The following SLC38A4 variants were observed in gnomAD, a reference collection of about 807,000 sequenced individuals.
The protein encoded by SLC38A4 is solute carrier family 38 member 4.
In SLC38A4, 20 loss-of-function variants were observed where a neutral mutation model predicts 63.1. That is an observed-to-expected ratio of 0.32 (90% CI 0.22 to 0.46). SLC38A4 has a LOEUF of 0.46. SLC38A4 is among the 20% of genes least tolerant of loss of function. The pLI is 1.00. For synonymous variants in SLC38A4, 230 were observed against 225.5 expected (o/e 1.02, Z -0.18); for missense variants, 526 against 663.6 (o/e 0.79, Z 2.28).
intron 1 of SLC38A4, among the ~76,000 whole-genome samples, chr12:46,820,654 CTCTGAGATTTTGAT>C (rs1359625336): frequency 6.6e-6 from 1 of 151,964 alleles, no homozygotes; most frequent in Admixed American, 6.6e-5. Flanking sequence ...GCAGGTATCG[CTCTGAGATTTTGAT>C]TTCAATTCTT....
chr12:46,788,715 G>A (rs1002400693), intron 3 of SLC38A4, 97 bp from the exon 4 acceptor site: 14 of 1,135,236 alleles, frequency 1.2e-5, no homozygotes, highest in Non-Finnish European at 1.7e-5. Flanking sequence ...CTGAATCAGA[G>A]GAGGGGAAAT....
At chr12:46,792,880 A>G (rs1938919209) in intron 3 of SLC38A4, 73 bp downstream of exon 3, 1 of 1,093,882 alleles carries the variant, frequency 9.1e-7, no homozygotes, top group Non-Finnish European at 1.4e-6. Context: ...AGTTCTTCCC[A>G]TCAAGACCCT....
At chr12:46,793,314 A>C (rs180437) in intron 2 of SLC38A4, 131 bp from the exon 3 acceptor site, 280,570 of 284,514 alleles carry the variant, frequency 0.99, 138,463 homozygotes, top group East Asian at 1. Flanking sequence ...TTTACATAAG[A>C]AAATCCTGAA....
At chr12:46,829,644 GA>G (rs1185013559), upstream of SLC38A4, among the ~76,000 whole-genome samples, 1 of 152,094 alleles carries the variant, frequency 6.6e-6, no homozygotes. Flanking sequence ...CACTTATATA[GA>G]AAAAAGTCCA....
Position 46,787,940 on chromosome 12 carries a change from G to A in SLC38A4, c.302C>T (p.Ala101Val), listed in dbSNP as rs1366211829. 4 of 1,613,244 alleles carry A rather than the reference G, an allele frequency of 2.5e-6. No individual in the cohort carries two copies. ...CATAAAAAGTATGATCCCTGTGTTG[G>A]CCATGGCATAGGACAAGCCCAGGAT... is the stretch of plus-strand genomic sequence containing the variant. ...SGILGLSYAM[A>V]NTGIILFIIM... is the part of the protein sequence containing the mutation. Residue 101 changes from alanine to valine, a missense_variant, in exon 5 of 17, where the codon GCC becomes GTC. Physicochemically the swap from Ala to Val is moderately conservative, Grantham distance 64. Coordinates refer to ENST00000266579, the MANE Select transcript of SLC38A4 (RefSeq NM_018018.5).
rs1163431220 is a variant in SLC38A4, at chr12:46,764,964, G to A, written c.*1737C>T. On this transcript the variant is annotated 3_prime_UTR_variant, in exon 17 of 17. Coordinates refer to ENST00000266579, the MANE Select transcript of SLC38A4 (RefSeq NM_018018.5). The stretch of plus-strand genomic sequence containing the variant: ...TATGAATTTTAATCCTGGTTATGAA[G>A]AAAAAAATGGTGCTTTATTATTTGG... 6.6e-6 allele frequency: 1 copy of A among 152,358 alleles called. No homozygotes were observed. Among genetic ancestry groups the A allele is most frequent in the Non-Finnish European group, 1.5e-5 (1 of 67,906 alleles). The allele number at this position is 152,358 out of a possible 1,614,324, so 9.4% of individuals were successfully genotyped here. A position where few individuals can be genotyped will look rare whatever the true frequency, so the allele number is the denominator to read the frequency against.
chr12:46,794,983 G>C (rs1938972737), intron 2 of SLC38A4, among the ~76,000 whole-genome samples: 2 of 151,304 alleles, frequency 1.3e-5, no homozygotes, highest in Admixed American at 1.3e-4. Flanking sequence ...CATGCATATG[G>C]GTAAAAGAAA....
intron 1 of SLC38A4, among the ~76,000 whole-genome samples, chr12:46,806,876 T>G (rs1939243548): frequency 6.6e-6 from 1 of 151,988 alleles, no homozygotes; most frequent in African/African-American, 2.4e-5. Flanking sequence ...ACCTGTACAT[T>G]GAGTAAGAAA....
At chr12:46,786,489 CTG>C (rs925594276) in intron 5 of SLC38A4, among the ~76,000 whole-genome samples, 6 of 152,128 alleles carry the variant, frequency 3.9e-5, no homozygotes, top group African/African-American at 1.2e-4. Flanking sequence ...TGATCTATGA[CTG>C]TGGGATTGGG....
At chr12:46,815,954 G>GA (rs968004932) in intron 1 of SLC38A4, among the ~76,000 whole-genome samples, 1 of 151,760 alleles carries the variant, frequency 6.6e-6, no homozygotes, top group Non-Finnish European at 1.5e-5. Flanking sequence ...AGAAAGCCCT[G>GA]AAAAAATATA....
chr12:46,783,020 ATGTGTGTG>A (rs71437771), intron 7 of SLC38A4, among the ~76,000 whole-genome samples: 16 of 103,762 alleles, frequency 1.5e-4, no homozygotes, highest in South Asian at 3.8e-4. Context: ...GAGAGAGAAA[ATGTGTGTG>A]TGTGTGTGTG....
chr12:46,798,155 G>C (rs1317737764), intron 2 of SLC38A4, among the ~76,000 whole-genome samples: 1 of 151,992 alleles, frequency 6.6e-6, no homozygotes, highest in African/African-American at 2.4e-5. Flanking sequence ...CCAATACCCA[G>C]AGTGATCTTT....
At chr12:46,781,759 T>C (rs1938645923) in intron 7 of SLC38A4, among the ~76,000 whole-genome samples, 1 of 152,018 alleles carries the variant, frequency 6.6e-6, no homozygotes, top group Admixed American at 6.6e-5. Flanking sequence ...CGCTTTATAC[T>C]TTATTCCATT....
rs916658047 is a variant in SLC38A4, at chr12:46,765,247, G to C, written c.*1454C>G. The C allele has an allele frequency of 1.3e-5, 2 of 156,272 alleles. No homozygotes were observed. The highest frequency in any genetic ancestry group is 4.8e-5 in the African/African-American group (2 of 41,424). 9.7% of individuals were successfully genotyped at this position (156,272 alleles called of 1,614,324 possible). On this transcript the variant is annotated 3_prime_UTR_variant, in exon 17 of 17. Coordinates refer to ENST00000266579, the MANE Select transcript of SLC38A4 (RefSeq NM_018018.5). ...TCCAGAAGTTTTAGGCTGTGAGTAG[G>C]AATTTTTAAATCCATTTTATGTAAG...
intron 2 of SLC38A4, among the ~76,000 whole-genome samples, chr12:46,801,481 G>A (rs1397923810): frequency 6.6e-6 from 1 of 152,050 alleles, no homozygotes; most frequent in Non-Finnish European, 1.5e-5. Context: ...GTGAAAAAGG[G>A]AGCTAATATA....
At chr12:46,798,737 ACT>A (rs1939069252) in intron 2 of SLC38A4, among the ~76,000 whole-genome samples, 1 of 152,162 alleles carries the variant, frequency 6.6e-6, no homozygotes, top group Non-Finnish European at 1.5e-5. Flanking sequence ...CATGCCAGCC[ACT>A]GTTTTAAGGC....
intron 14 of SLC38A4, among the ~76,000 whole-genome samples, chr12:46,774,651 A>G (rs1380664508): frequency 6.6e-6 from 1 of 152,076 alleles, no homozygotes; most frequent in Non-Finnish European, 1.5e-5. Context: ...CAGCACAACA[A>G]ACTGGAAAAA....
rs1938299029 is a variant in SLC38A4 at position 46,766,354 on chromosome 12, G to C, written c.*347C>G. 1 of 464,094 alleles carries C rather than the reference G, an allele frequency of 2.2e-6. No individual in the cohort carries two copies. The highest frequency in any genetic ancestry group is 2.3e-5 in the Admixed American group (1 of 42,730). 28.7% of individuals were successfully genotyped at this position (464,094 alleles called of 1,614,324 possible). On this transcript the variant is annotated 3_prime_UTR_variant, in exon 17 of 17. Transcript: ENST00000266579. ...TTTGGTACTTTTTTAGGGGGTGCAGGATGAGGAGACGGCAGGGGAAAGAGT... is the reference window on the plus strand; with the variant it reads ...TTTGGTACTTTTTTAGGGGGTGCAGCATGAGGAGACGGCAGGGGAAAGAGT...
chr12:46,780,286 G>T (rs1407959745), intron 7 of SLC38A4, among the ~76,000 whole-genome samples: 1 of 151,980 alleles, frequency 6.6e-6, no homozygotes, highest in African/African-American at 2.4e-5. Flanking sequence ...CAGTGAAGCT[G>T]CAGTTCTAAG....
Sources: gnomAD v4.1 joint callset for allele counts (sites outside exome capture counted in the v4.1 genomes callset) on GRCh38, gnomAD v4.1.1 for gene constraint, MANE v1.5 for transcripts, NCBI Gene and HGNC (gene_info 2026-07-23, HGNC 2026-07-21) for gene names.